The following PLAC8L1 variants were observed in gnomAD, a reference collection of about 807,000 sequenced individuals.
The protein encoded by PLAC8L1 is PLAC8-like protein 1.
PLAC8L1 carries 13 observed loss-of-function variants against 16.3 expected under a neutral mutation model. That is an observed-to-expected ratio of 0.80 (90% CI 0.52 to 1.27). The LOEUF (loss-of-function observed/expected upper bound fraction) is 1.27, where lower values mean the gene tolerates loss of function less well. Among genes scored for constraint, PLAC8L1 ranks in the 50% most tolerant of loss-of-function variants. The probability of loss-of-function intolerance (pLI) is 0.00; values close to 1 mark genes in which losing one functional copy is unlikely to be tolerated. For missense variants in PLAC8L1, 184 were observed against 220.2 expected, an observed-to-expected ratio of 0.84 and a Z score of 1.04; for synonymous variants, 78 against 79.3, an observed-to-expected ratio of 0.98 and a Z score of 0.09.
At chr5:146,084,644 T>C in intron 3 of PLAC8L1, 72 bp from the exon 4 acceptor site, 1 of 1,566,504 alleles carries the variant, frequency 6.4e-7, no homozygotes, top group South Asian at 1.2e-5. Flanking sequence ...TCCTGTACAA[T>C]GTTACCTCCT....
rs1009300773 is a variant in PLAC8L1, at chr5:146,105,569, C to G, written c.-1258G>C. ...AATAACAGAAATTAAGAGGTGATTA[C>G]TAGCTTTGCAAAAAAAAAAAAAAAA... On this transcript the variant is annotated 5_prime_UTR_variant, in exon 1 of 4. Transcript: ENST00000311450. 2.3e-5 allele frequency among the ~76,000 whole-genome samples: 2 copies of G among 86,972 alleles called. No homozygotes were observed. The highest frequency in any genetic ancestry group is 9.1e-5 in the African/African-American group (2 of 22,060). The allele number at this position is 86,972 out of a possible 152,430, so 57.1% of individuals were successfully genotyped here.
At chr5:146,095,831 A>C (rs1763709807) in intron 2 of PLAC8L1, among the ~76,000 whole-genome samples, 1 of 152,192 alleles carries the variant, frequency 6.6e-6, no homozygotes, top group South Asian at 2.1e-4. Context: ...CACAAGGATA[A>C]AAACATTTAA....
At chr5:146,087,105 T>C (rs990807290) in intron 2 of PLAC8L1, among the ~76,000 whole-genome samples, 2 of 152,238 alleles carry the variant, frequency 1.3e-5, no homozygotes, top group African/African-American at 4.8e-5. Flanking sequence ...TTGCCTCTTC[T>C]TCAACTTCAT....
chr5:146,086,455 T>C (rs1763519838), intron 2 of PLAC8L1, among the ~76,000 whole-genome samples: 1 of 152,254 alleles, frequency 6.6e-6, no homozygotes, highest in Admixed American at 6.5e-5. Context: ...AGTTTTAATC[T>C]GCAGATTATT....
intron 2 of PLAC8L1, among the ~76,000 whole-genome samples, chr5:146,091,046 C>G (rs1354200730): frequency 2.7e-5 from 4 of 149,378 alleles, no homozygotes. Context: ...AAGAGCAAAA[C>G]TCTGTCTCGA....
At chr5:146,086,022 G>GTTTTTTTT (rs1561781679) in intron 2 of PLAC8L1, among the ~76,000 whole-genome samples, 9 of 111,014 alleles carry the variant, frequency 8.1e-5, no homozygotes, top group African/African-American at 3.1e-4. Flanking sequence ...TAATTGAAAG[G>GTTTTTTTT]TCTTTTTTTT....
At position 146,084,450 on chromosome 5, in the gene PLAC8L1, A is replaced by G; in HGVS notation, c.516T>C (p.Thr172=). Residue 172 remains threonine (T), a synonymous_variant, in exon 4 of 4, where the codon ACT becomes ACC. Coordinates refer to ENST00000311450, the MANE Select transcript of PLAC8L1 (RefSeq NM_001029869.3). ...CTTGCTGTCAAACCAGGGTGTCCTT[A>G]GTCATTGGGACTGCACAGATTTCAT... ...QVYEICAVPM[T]KDTLV 6.2e-7 allele frequency: 1 copy of G among 1,614,100 alleles called. No individual in the cohort carries two copies. The highest frequency in any genetic ancestry group is 8.5e-7 in the Non-Finnish European group (1 of 1,179,988).
At chr5:146,085,165 C>T (rs916715127) in intron 3 of PLAC8L1, among the ~76,000 whole-genome samples, 3 of 151,954 alleles carry the variant, frequency 2.0e-5, no homozygotes, top group Non-Finnish European at 2.9e-5. Context: ...CACCTGTAAT[C>T]GCAGCACTTT....
At chr5:146,094,285 T>A (rs1414316303) in intron 2 of PLAC8L1, among the ~76,000 whole-genome samples, 2 of 152,160 alleles carry the variant, frequency 1.3e-5, no homozygotes, top group Admixed American at 1.3e-4. Flanking sequence ...TTTCACCATG[T>A]TGGCTATGGT....
In PLAC8L1 at chr5:146,084,341, A is replaced by G. The variant is rs762714120; in HGVS notation, c.*91T>C. The G allele has an allele frequency of 2.7e-5, 39 of 1,453,264 alleles. No individual in the cohort carries two copies. The highest frequency in any genetic ancestry group is 1.8e-4 in the Middle Eastern group (1 of 5,544). 90.0% of individuals were successfully genotyped at this position (1,453,264 alleles called of 1,614,324 possible). ...GGGGGAAATCATTTATTTTCATACCATTTCAGTAAAAACTTAGGAAAAAGC... is the reference window on the plus strand; with the variant it reads ...GGGGGAAATCATTTATTTTCATACCGTTTCAGTAAAAACTTAGGAAAAAGC... On this transcript the variant is annotated 3_prime_UTR_variant, in exon 4 of 4. Transcript: ENST00000311450.
intron 2 of PLAC8L1, among the ~76,000 whole-genome samples, chr5:146,095,200 A>G (rs539544098): frequency 1.3e-5 from 2 of 152,326 alleles, no homozygotes. Flanking sequence ...ACAACTAGGG[A>G]ACAAAAATTA....
intron 2 of PLAC8L1, among the ~76,000 whole-genome samples, chr5:146,096,804 GA>G (rs1763725222): frequency 6.6e-6 from 1 of 152,192 alleles, no homozygotes; most frequent in South Asian, 2.1e-4. Flanking sequence ...CCAAAGTCAT[GA>G]AAAGAGCAGA....
intron 1 of PLAC8L1, 31 bp from the exon 2 acceptor site, chr5:146,098,323 A>G (rs1763752555): frequency 6.2e-7 from 1 of 1,604,752 alleles, no homozygotes; most frequent in South Asian, 1.1e-5. Context: ...ATTAACTTGG[A>G]AACAAAGGTG....
At chr5:146,100,547 T>C (rs1320111183) in intron 1 of PLAC8L1, among the ~76,000 whole-genome samples, 2 of 152,222 alleles carry the variant, frequency 1.3e-5, no homozygotes, top group Non-Finnish European at 2.9e-5. Context: ...TTTAACATTT[T>C]GAAAATTTGT....
At chr5:146,094,386 ATTTG>A (rs1453386915) in intron 2 of PLAC8L1, among the ~76,000 whole-genome samples, 1 of 152,118 alleles carries the variant, frequency 6.6e-6, no homozygotes, top group Non-Finnish European at 1.5e-5. Context: ...CAGCCTATAG[ATTTG>A]TTTATTATCC....
At chr5:146,092,832 G>A (rs935317489) in intron 2 of PLAC8L1, among the ~76,000 whole-genome samples, 5 of 152,008 alleles carry the variant, frequency 3.3e-5, no homozygotes, top group African/African-American at 7.2e-5. Flanking sequence ...CACCGCACCC[G>A]GCCGAATTTG....
intron 2 of PLAC8L1, among the ~76,000 whole-genome samples, chr5:146,092,770 T>A (rs982954037): frequency 6.6e-6 from 1 of 152,114 alleles, no homozygotes; most frequent in Non-Finnish European, 1.5e-5. Context: ...ACTCCTGACC[T>A]TGTGATCTGC....
intron 1 of PLAC8L1, among the ~76,000 whole-genome samples, chr5:146,099,151 G>T (rs992338154): frequency 2.6e-5 from 4 of 152,136 alleles, no homozygotes; most frequent in African/African-American, 9.7e-5. Context: ...AGGGTAAGTT[G>T]CACTTGGCCT....
intron 1 of PLAC8L1, among the ~76,000 whole-genome samples, chr5:146,101,525 G>A (rs1334060108): frequency 6.6e-6 from 1 of 152,120 alleles, no homozygotes; most frequent in Non-Finnish European, 1.5e-5. Context: ...CCTGAGGTTG[G>A]GGGCATATGC....
Sources: gnomAD v4.1 joint callset for allele counts (sites outside exome capture counted in the v4.1 genomes callset) on GRCh38, gnomAD v4.1.1 for gene constraint, MANE v1.5 for transcripts, NCBI Gene and HGNC (gene_info 2026-07-23, HGNC 2026-07-21) for gene names.